SKIC3: variants seen among roughly 807,000 people sequenced by gnomAD.
SKIC3 encodes superkiller complex protein 3.
the SKIC3 span, chr5:95,537,228 T>C: frequency 9.0e-7 from 1 of 1,105,258 alleles, no homozygotes. Context: ...AAACTACACG[T>C]TCAATTAACT....
chr5:95,506,744 C>T, the SKIC3 span, among the ~76,000 whole-genome samples: 15 of 152,138 alleles, frequency 9.9e-5, no homozygotes, highest in Admixed American at 8.5e-4. Flanking sequence ...AACTCTGCTC[C>T]ACATAAAGCA....
At chr5:95,512,434 A>G in the SKIC3 span, 2 of 1,582,728 alleles carry the variant, frequency 1.3e-6, no homozygotes, top group Admixed American at 1.7e-5. Flanking sequence ...AATTATTTCA[A>G]TAGTTGCTCA....
chr5:95,498,448 C>T, the SKIC3 span: 1 of 1,614,148 alleles, frequency 6.2e-7, no homozygotes, highest in African/African-American at 1.3e-5. Flanking sequence ...TGTAAGAAGG[C>T]ACCTCTGATA....
the SKIC3 span, among the ~76,000 whole-genome samples, chr5:95,531,870 G>A: frequency 2.0e-5 from 3 of 152,088 alleles, no homozygotes; most frequent in African/African-American, 7.2e-5. Flanking sequence ...AGACCAGCAT[G>A]GCATCTGATA....
At chr5:95,523,857 A>G in the SKIC3 span, 1 of 1,606,366 alleles carries the variant, frequency 6.2e-7, no homozygotes, top group Non-Finnish European at 8.5e-7. Context: ...TATTGATAAT[A>G]ACAGAACATT....
At chr5:95,528,770 A>T in the SKIC3 span, 1 of 516,206 alleles carries the variant, frequency 1.9e-6, no homozygotes, top group East Asian at 3.7e-5. Context: ...TGACTATGTC[A>T]ATATTCCAAA....
chr5:95,528,906 T>C, the SKIC3 span: 1 of 1,004,850 alleles, frequency 1.0e-6, no homozygotes, highest in Non-Finnish European at 1.5e-6. Flanking sequence ...AAATATAGCA[T>C]TTTGGTTTTT....
chr5:95,464,944 G>C, the SKIC3 span, among the ~76,000 whole-genome samples: 6 of 74,376 alleles, frequency 8.1e-5, no homozygotes, highest in Non-Finnish European at 1.2e-4. Flanking sequence ...TTTTTTTTTT[G>C]GACGGAATCT....
chr5:95,503,643 T>C, the SKIC3 span, among the ~76,000 whole-genome samples: 1 of 152,194 alleles, frequency 6.6e-6, no homozygotes, highest in Non-Finnish European at 1.5e-5. Flanking sequence ...AATAACATTC[T>C]AAATGAGGTA....
the SKIC3 span, chr5:95,503,043 G>T: frequency 1.9e-6 from 3 of 1,611,786 alleles, no homozygotes; most frequent in South Asian, 2.2e-5. Context: ...CAATATAAAA[G>T]CCATCCTGAT....
At chr5:95,504,821 T>C in the SKIC3 span, among the ~76,000 whole-genome samples, 1 of 151,980 alleles carries the variant, frequency 6.6e-6, no homozygotes. Flanking sequence ...GCCAACATGA[T>C]GAAACCCCGT....
At chr5:95,523,377 CAG>C in the SKIC3 span, 16 of 1,554,170 alleles carry the variant, frequency 1.0e-5, no homozygotes, top group Non-Finnish European at 1.4e-5. Flanking sequence ...TATAAAAAGA[CAG>C]AACGCTCATG....
the SKIC3 span, chr5:95,543,055 A>G: frequency 2.0e-5 from 24 of 1,177,658 alleles, no homozygotes; most frequent in Non-Finnish European, 2.8e-5. Context: ...GAAAACCAAT[A>G]AATTTAAATT....
chr5:95,514,417 T>C, the SKIC3 span, among the ~76,000 whole-genome samples: 1 of 152,110 alleles, frequency 6.6e-6, no homozygotes, highest in Non-Finnish European at 1.5e-5. Context: ...CATAAACAAG[T>C]GACAAACCAA....
the SKIC3 span, chr5:95,498,311 T>G: frequency 2.0e-6 from 3 of 1,530,374 alleles, no homozygotes; most frequent in Admixed American, 1.7e-5. Context: ...AAAGTCCCAA[T>G]GTCAAATGCA....
At chr5:95,537,267 C>T in the SKIC3 span, 1 of 870,736 alleles carries the variant, frequency 1.1e-6, no homozygotes, top group Non-Finnish European at 1.8e-6. Context: ...CTAACCCTGA[C>T]AACTTCAACG....
At chr5:95,509,476 T>C in the SKIC3 span, 1 of 772,166 alleles carries the variant, frequency 1.3e-6, no homozygotes, top group Non-Finnish European at 2.3e-6. Context: ...CACCTGCAAA[T>C]GGCGTGAACA....
chr5:95,486,259 C>T, the SKIC3 span, among the ~76,000 whole-genome samples: 4 of 152,282 alleles, frequency 2.6e-5, no homozygotes, highest in Non-Finnish European at 5.9e-5. Context: ...TCCCTGCCCA[C>T]AGCCACTGCT....
At chr5:95,524,374 T>C in the SKIC3 span, 1 of 1,545,348 alleles carries the variant, frequency 6.5e-7, no homozygotes, top group Non-Finnish European at 8.8e-7. Context: ...AACAGTTCAG[T>C]AAAGAGTAAT....
Sources: allele counts gnomAD v4.1 joint callset (sites outside exome capture counted in the v4.1 genomes callset), GRCh38; gene constraint gnomAD v4.1.1; transcripts MANE v1.5; gene names NCBI Gene and HGNC (gene_info 2026-07-23, HGNC 2026-07-21).